The following FIG4 variants were observed in gnomAD, a reference collection of about 807,000 sequenced individuals.
The protein encoded by FIG4 is FIG4 phosphoinositide 5-phosphatase.
Under a neutral mutation model 118.6 loss-of-function variants are expected in FIG4, and 112 were observed. The observed-to-expected ratio is 0.94, with a 90% confidence interval of 0.81 to 1.11. FIG4 has a LOEUF of 1.11. Among genes scored for constraint, FIG4 ranks in the 50% least tolerant of loss-of-function variants. FIG4 has a pLI of 0.00. For missense variants in FIG4, 969 were observed against 1,111.7 expected (o/e 0.87, Z 1.83); for synonymous variants, 369 against 381.2 (o/e 0.97, Z 0.37).
At chr6:109,754,594 A>G (rs560493977) in intron 10 of FIG4, among the ~76,000 whole-genome samples, 1 of 152,248 alleles carries the variant, frequency 6.6e-6, no homozygotes, top group South Asian at 2.1e-4. Context: ...TTGGTAAGCT[A>G]TTGATTATTG....
intron 1 of FIG4, among the ~76,000 whole-genome samples, chr6:109,698,975 G>A (rs1774818866): frequency 6.6e-6 from 1 of 152,070 alleles, no homozygotes; most frequent in Non-Finnish European, 1.5e-5. Flanking sequence ...TTTGATATCA[G>A]GATAACTCTA....
At position 109,770,361 on chromosome 6, in the gene FIG4, A is replaced by G. The variant is rs9384722; in HGVS notation, c.1750+3466A>G. The stretch of plus-strand genomic sequence containing the variant: ...GCTGTATATACGTGTGTGTGTGTGT[A>G]TATATATGCCTAACATAAATATGTA... On this transcript the variant is annotated intron_variant, in intron 15 of 22. Coordinates refer to ENST00000230124, the MANE Select transcript of FIG4 (RefSeq NM_014845.6). 0.011 allele frequency among the ~76,000 whole-genome samples: 1,573 copies of G among 146,470 alleles called. 66 individuals are homozygous for G. In the East Asian group the frequency reaches 0.13, roughly 12 times the overall value.
intron 16 of FIG4, among the ~76,000 whole-genome samples, chr6:109,780,423 G>T (rs548243350): frequency 1.7e-4 from 26 of 152,248 alleles, no homozygotes; most frequent in African/African-American, 6.3e-4. Flanking sequence ...ATGTTGCCCA[G>T]GCTGGCCTCC....
At chr6:109,795,833 CCT>C (rs756821302) in intron 21 of FIG4, among the ~76,000 whole-genome samples, 8 of 152,020 alleles carry the variant, frequency 5.3e-5, no homozygotes, top group Non-Finnish European at 1.2e-4. Flanking sequence ...GATCTCCTGA[CCT>C]CATGATCCGC....
At chr6:109,796,618 G>A in intron 21 of FIG4, 147 bp from the exon 22 acceptor site, 2 of 689,044 alleles carry the variant, frequency 2.9e-6, no homozygotes, top group Non-Finnish European at 5.3e-6. Context: ...ATCAGGCAAA[G>A]TCTTATGTTA....
At chr6:109,757,679 G>A (rs1030035771) in intron 10 of FIG4, among the ~76,000 whole-genome samples, 1 of 152,160 alleles carries the variant, frequency 6.6e-6, no homozygotes, top group African/African-American at 2.4e-5. Flanking sequence ...AATTATCTCT[G>A]TTTGCAGAGG....
At chr6:109,776,267 G>A (rs1239093836) in intron 15 of FIG4, among the ~76,000 whole-genome samples, 1 of 152,152 alleles carries the variant, frequency 6.6e-6, no homozygotes, top group Non-Finnish European at 1.5e-5. Flanking sequence ...TAGTTTAAAA[G>A]GTAATTTTGG....
At chr6:109,762,498 T>C (rs1342026432) in intron 12 of FIG4, among the ~76,000 whole-genome samples, 1 of 151,670 alleles carries the variant, frequency 6.6e-6, no homozygotes, top group Non-Finnish European at 1.5e-5. Flanking sequence ...TTTTTCAGTA[T>C]TGAATAGAAA....
intron 4 of FIG4, among the ~76,000 whole-genome samples, chr6:109,728,251 GT>G (rs1476345869): frequency 3.3e-5 from 5 of 152,314 alleles, no homozygotes; most frequent in Middle Eastern, 3.4e-3. Context: ...TTGTTTATGT[GT>G]TTAAGGAGAG....
At chr6:109,734,954 A>T (rs1562652581) in intron 5 of FIG4, among the ~76,000 whole-genome samples, 196 bp from the exon 6 acceptor site, 1 of 152,180 alleles carries the variant, frequency 6.6e-6, no homozygotes, top group African/African-American at 2.4e-5. Flanking sequence ...ATGCCTAGTC[A>T]TGCAGTGAGG....
intron 22 of FIG4, among the ~76,000 whole-genome samples, chr6:109,800,441 T>C (rs76365448): frequency 1.0e-3 from 157 of 152,338 alleles, no homozygotes; most frequent in African/African-American, 3.7e-3. Context: ...TAGACACACT[T>C]AAGTTTCCTG....
In FIG4 at chr6:109,825,078, T is replaced by C. The variant is rs1175459162; in HGVS notation, c.2547-10T>C. 6.2e-7 allele frequency: 1 copy of C among 1,612,588 alleles called. No homozygotes were observed. Among genetic ancestry groups the C allele is most frequent in the South Asian group, 1.1e-5 (1 of 91,042 alleles). On this transcript the variant is annotated splice_polypyrimidine_tract_variant and intron_variant, in intron 22 of 22. Coordinates refer to ENST00000230124, the MANE Select transcript of FIG4 (RefSeq NM_014845.6). ...TTTAATGCAGCCCTCTCTTTATTCA[T>C]CTTTTATAGAACACCCATCTCGGCT...
intron 1 of FIG4, among the ~76,000 whole-genome samples, chr6:109,707,117 C>T (rs1262848750): frequency 6.6e-6 from 1 of 151,990 alleles, no homozygotes; most frequent in African/African-American, 2.4e-5. Context: ...CATTATAACT[C>T]ATAGTGTCAT....
intron 1 of FIG4, among the ~76,000 whole-genome samples, 162 bp from the exon 2 acceptor site, chr6:109,714,916 G>T (rs1218118097): frequency 1.3e-5 from 2 of 152,016 alleles, no homozygotes; most frequent in Non-Finnish European, 2.9e-5. Context: ...TGACCTTTTG[G>T]AGTCAGCTTT....
intron 1 of FIG4, among the ~76,000 whole-genome samples, chr6:109,709,320 C>A (rs575078176): frequency 4.6e-5 from 7 of 151,972 alleles, no homozygotes; most frequent in Admixed American, 1.3e-4. Flanking sequence ...TATTGGTCTG[C>A]GTGTCTGTTT....
At chr6:109,730,546 A>T (rs977522695) in intron 4 of FIG4, among the ~76,000 whole-genome samples, 10 of 152,238 alleles carry the variant, frequency 6.6e-5, no homozygotes, top group Non-Finnish European at 1.5e-4. Flanking sequence ...GTAGTAAGCT[A>T]TAGTAAATAA....
rs539231556 is a variant in FIG4 at position 109,801,134 on chromosome 6, A to T, written c.2546+4283A>T. Among the ~76,000 whole-genome samples, 12 of 152,358 alleles carry T rather than the reference A, an allele frequency of 7.9e-5. No individual in the cohort carries two copies. In the East Asian group the frequency reaches 2.3e-3, roughly 29 times the overall value. ...TTTCTATGGTTCACCTATTCTAGGA[A>T]TATGTCTCATTTAAAAATCACCTCT... On this transcript the variant is annotated intron_variant, in intron 22 of 22. Coordinates refer to ENST00000230124, the MANE Select transcript of FIG4 (RefSeq NM_014845.6).
intron 10 of FIG4, among the ~76,000 whole-genome samples, chr6:109,749,733 A>G (rs146471962): frequency 6.6e-6 from 1 of 152,166 alleles, no homozygotes; most frequent in African/African-American, 2.4e-5. Flanking sequence ...CACTCAAAAA[A>G]TACTATCATA....
intron 22 of FIG4, among the ~76,000 whole-genome samples, chr6:109,801,167 G>T (rs1349552208): frequency 6.6e-6 from 1 of 152,126 alleles, no homozygotes; most frequent in Admixed American, 6.5e-5. Context: ...TCTAAGAAAT[G>T]GTTCAAAATA....
Sources: gnomAD v4.1 joint callset for allele counts (sites outside exome capture counted in the v4.1 genomes callset) on GRCh38, gnomAD v4.1.1 for gene constraint, MANE v1.5 for transcripts, NCBI Gene and HGNC (gene_info 2026-07-23, HGNC 2026-07-21) for gene names.